ESRRG: variants seen among roughly 807,000 people sequenced by gnomAD.
The protein encoded by ESRRG is estrogen related receptor gamma.
Under a neutral mutation model 44.0 loss-of-function variants are expected in ESRRG, and 13 were observed. That is an observed-to-expected ratio of 0.30 (90% CI 0.19 to 0.47). The LOEUF (loss-of-function observed/expected upper bound fraction) is 0.47. ESRRG is among the 20% of genes least tolerant of loss of function. The probability of loss-of-function intolerance (pLI) is 1.00; values close to 1 mark genes in which losing one functional copy is unlikely to be tolerated. For synonymous variants in ESRRG, 215 were observed against 214.6 expected (o/e 1.00, Z -0.02); for missense variants, 395 against 580.6 (o/e 0.68, Z 3.29).
chr1:216,574,458 T>G (rs1345528499), intron 3 of ESRRG, among the ~76,000 whole-genome samples: 1 of 152,100 alleles, frequency 6.6e-6, no homozygotes, highest in Non-Finnish European at 1.5e-5. Context: ...AAATGCAAAT[T>G]TTTATAATAT....
chr1:216,646,360 G>A (rs956617897), intron 3 of ESRRG, among the ~76,000 whole-genome samples: 1 of 152,108 alleles, frequency 6.6e-6, no homozygotes, highest in African/African-American at 2.4e-5. Flanking sequence ...AGCTCATAGT[G>A]TCTCCTGCTA....
chr1:216,534,603 T>C (rs1572467679), intron 5 of ESRRG, among the ~76,000 whole-genome samples: 1 of 152,212 alleles, frequency 6.6e-6, no homozygotes, highest in Non-Finnish European at 1.5e-5. Context: ...AGTTCACATG[T>C]ATTGACTCAT....
intron 5 of ESRRG, among the ~76,000 whole-genome samples, chr1:216,554,250 T>C (rs186333910): frequency 6.6e-6 from 1 of 152,056 alleles, no homozygotes; most frequent in East Asian, 1.9e-4. Context: ...AGTCAGGAGT[T>C]TGAGACCAGC....
At chr1:216,640,999 T>C (rs909082429) in intron 3 of ESRRG, among the ~76,000 whole-genome samples, 1 of 152,084 alleles carries the variant, frequency 6.6e-6, no homozygotes, top group Non-Finnish European at 1.5e-5. Flanking sequence ...ATTTTTTTAA[T>C]CCAAAAAGAA....
At chr1:216,963,883 T>A (rs1430663131) in intron 1 of ESRRG, among the ~76,000 whole-genome samples, 1 of 151,970 alleles carries the variant, frequency 6.6e-6, no homozygotes, top group Non-Finnish European at 1.5e-5. Flanking sequence ...AAAGAAGTGA[T>A]CTGAAAGTAC....
chr1:216,789,167 A>T (rs1223176176), intron 2 of ESRRG, among the ~76,000 whole-genome samples: 3 of 152,298 alleles, frequency 2.0e-5, no homozygotes, highest in African/African-American at 7.2e-5. Context: ...TTCTGTGGGT[A>T]AAATGCTATC....
At position 216,873,055 on chromosome 1, in the gene ESRRG, T is replaced by C. The variant is rs1320156225; in HGVS notation, c.-14+66527A>G. Among the ~76,000 whole-genome samples, 2 of 152,132 alleles carry C rather than the reference T, an allele frequency of 1.3e-5. 1 individual carries two copies. On this transcript the variant is annotated intron_variant, in intron 2 of 7. Transcript: ENST00000359162. ...TCAGTTTTCAAAGTTTTTGCAGTTA[T>C]TCAGATTTTTCCTGTGTGTGCACCA...
intron 3 of ESRRG, among the ~76,000 whole-genome samples, chr1:216,571,268 A>C (rs6604637): frequency 0.85 from 128,753 of 152,052 alleles, 54,854 homozygotes; most frequent in Middle Eastern, 0.88. Flanking sequence ...CATGGCGAGA[A>C]CCCATCTCTA....
intron 1 of ESRRG, among the ~76,000 whole-genome samples, chr1:216,717,881 A>T (rs1035655435): frequency 6.6e-6 from 1 of 151,890 alleles, no homozygotes; most frequent in African/African-American, 2.4e-5. Flanking sequence ...TTACATTAAG[A>T]TGTATTTGTC....
At chr1:216,604,300 G>A (rs2059641921) in intron 3 of ESRRG, among the ~76,000 whole-genome samples, 1 of 152,130 alleles carries the variant, frequency 6.6e-6, no homozygotes, top group Non-Finnish European at 1.5e-5. Context: ...CAGTGAAGAG[G>A]GCCTGTTGGA....
chr1:216,884,570 C>T (rs2096491454), intron 2 of ESRRG, among the ~76,000 whole-genome samples: 1 of 152,208 alleles, frequency 6.6e-6, no homozygotes, highest in Non-Finnish European at 1.5e-5. Context: ...TTCAAAACTT[C>T]TCATTAGCTG....
intron 3 of ESRRG, among the ~76,000 whole-genome samples, chr1:216,572,385 T>C (rs1376044709): frequency 2.0e-5 from 3 of 152,110 alleles, no homozygotes; most frequent in Non-Finnish European, 4.4e-5. Context: ...TATTCAAACA[T>C]GTGGACAAAG....
chr1:216,880,912 A>G (rs1376598233), intron 2 of ESRRG, among the ~76,000 whole-genome samples: 1 of 152,178 alleles, frequency 6.6e-6, no homozygotes, highest in Non-Finnish European at 1.5e-5. Context: ...ACACTAGAAT[A>G]ATTATTGCCT....
rs2059430213 is a variant in ESRRG at position 216,602,874 on chromosome 1, G to A, written c.590-34776C>T. Among the ~76,000 whole-genome samples the A allele has an allele frequency of 2.0e-5, 3 of 152,038 alleles. No homozygotes were observed. The South Asian group carries it at 6.2e-4, about 32-fold the overall frequency. The stretch of plus-strand genomic sequence containing the variant: ...AATACTTGATCAATAATCTGACATT[G>A]TTTTCATTGTCTACATGAAGAAAAC... On this transcript the variant is annotated intron_variant, in intron 3 of 6. Coordinates refer to ENST00000408911, the MANE Select transcript of ESRRG (RefSeq NM_001438.4).
intron 5 of ESRRG, among the ~76,000 whole-genome samples, chr1:216,533,474 G>A (rs1224113045): frequency 1.3e-5 from 2 of 152,078 alleles, no homozygotes; most frequent in Non-Finnish European, 1.5e-5. Context: ...CCCTATCTCA[G>A]AGCCTGCATT....
At chr1:216,826,581 A>G (rs1011567547) in intron 2 of ESRRG, among the ~76,000 whole-genome samples, 4 of 152,226 alleles carry the variant, frequency 2.6e-5, no homozygotes, top group Admixed American at 2.6e-4. Context: ...TTCTCAATTT[A>G]TAAAACATTT....
intron 1 of ESRRG, among the ~76,000 whole-genome samples, chr1:216,974,118 A>G (rs1031874821): frequency 6.6e-6 from 1 of 152,198 alleles, no homozygotes; most frequent in African/African-American, 2.4e-5. Context: ...CTTTTTAAAG[A>G]ACATAAGTAG....
rs190013360 is a variant in ESRRG at position 216,968,618 on chromosome 1, C to T, written c.-105-28945G>A. Among the ~76,000 whole-genome samples, 15 of 151,994 alleles carry T rather than the reference C, an allele frequency of 9.9e-5. No individual in the cohort carries two copies. In the East Asian group the frequency reaches 2.5e-3, roughly 25 times the overall value. ...CTTGCCTATTATTTTGCCAATACCA[C>T]ACTGTCTTGATTACTGTAGCTTTAA... On this transcript the variant is annotated intron_variant, in intron 1 of 7. Coordinates refer to the ESRRG transcript ENST00000359162.
intron 2 of ESRRG, among the ~76,000 whole-genome samples, chr1:216,818,582 C>A (rs2095214009): frequency 6.6e-6 from 1 of 152,036 alleles, no homozygotes; most frequent in South Asian, 2.1e-4. Context: ...CTTCCAGTGG[C>A]TGCTGTGGGT....
Sources: allele counts gnomAD v4.1 joint callset (sites outside exome capture counted in the v4.1 genomes callset), GRCh38; gene constraint gnomAD v4.1.1; transcripts MANE v1.5; gene names NCBI Gene and HGNC (gene_info 2026-07-23, HGNC 2026-07-21).